The following NRXN3 variants were observed in gnomAD, a reference collection of about 807,000 sequenced individuals.
NRXN3 encodes neurexin III.
Under a neutral mutation model 137.6 loss-of-function variants are expected in NRXN3, and 32 were observed. The observed-to-expected ratio is 0.23, with a 90% CI of 0.18 to 0.31. The LOEUF (loss-of-function observed/expected upper bound fraction) is 0.31. NRXN3 is among the 10% of genes least tolerant of loss of function. The pLI is 1.00. For synonymous variants in NRXN3, 798 were observed against 784.5 expected (o/e 1.02, Z -0.29); for missense variants, 1,574 against 2,062.5 (o/e 0.76, Z 4.59).
At chr14:78,684,306 A>C (rs1477982015) in intron 6 of NRXN3, among the ~76,000 whole-genome samples, 2 of 152,150 alleles carry the variant, frequency 1.3e-5, no homozygotes, top group Non-Finnish European at 2.9e-5. Context: ...TACATTCTGA[A>C]ATTGGCACAT....
rs2081029943 is a variant in NRXN3 at position 79,280,137 on chromosome 14, G to C, written c.3263-187084G>C. ...TTCTTTAAGTAGTAATTTTTTAACTGATTCATTGTTTGGAAAGCGCATATT... is the reference window on the plus strand; with the variant it reads ...TTCTTTAAGTAGTAATTTTTTAACTCATTCATTGTTTGGAAAGCGCATATT... On this transcript the variant is annotated intron_variant, in intron 15 of 20. Transcript: ENST00000335750. 2.7e-6 allele frequency: 4 copies of C among 1,465,230 alleles called. No individual in the cohort carries two copies. In the East Asian group the frequency reaches 9.4e-5, roughly 34 times the overall value. The allele number at this position is 1,465,230 out of a possible 1,614,324, so 90.8% of individuals were successfully genotyped here.
At chr14:79,843,845 C>T (rs568005489) in intron 20 of NRXN3, among the ~76,000 whole-genome samples, 2 of 152,216 alleles carry the variant, frequency 1.3e-5, no homozygotes, top group South Asian at 4.2e-4. Context: ...GATTTTAGTG[C>T]ACCCATCACC....
chr14:78,346,616 C>T (rs1411701552), intron 4 of NRXN3, among the ~76,000 whole-genome samples: 1 of 152,182 alleles, frequency 6.6e-6, no homozygotes, highest in Non-Finnish European at 1.5e-5. Context: ...GCTCTTCTGA[C>T]TTCTCAATCT....
In NRXN3 at chr14:78,170,561, G is replaced by T. The variant is rs549869167; in HGVS notation, c.-817G>T. The T allele has an allele frequency of 1.3e-5, 2 of 152,458 alleles. No homozygotes were observed. Among genetic ancestry groups the T allele is most frequent in the African/African-American group, 4.8e-5 (2 of 41,568 alleles). 9.4% of individuals were successfully genotyped at this position (152,458 alleles called of 1,614,324 possible). On this transcript the variant is annotated 5_prime_UTR_variant, in exon 1 of 21. An upstream open reading frame in the 5' UTR gains an earlier in-frame stop. Coordinates refer to ENST00000335750, the MANE Select transcript of NRXN3 (RefSeq NM_001330195.2). Reference sequence around the variant, plus strand: ...CCCAGAGAGAAAGGAAAAGGAGAGAGAAAGATTCTGGAATTTGAACCTACC... The same window carrying T: ...CCCAGAGAGAAAGGAAAAGGAGAGATAAAGATTCTGGAATTTGAACCTACC...
chr14:79,449,174 T>A (rs745519011), intron 15 of NRXN3, among the ~76,000 whole-genome samples: 1 of 152,214 alleles, frequency 6.6e-6, no homozygotes, highest in Non-Finnish European at 1.5e-5. Flanking sequence ...CATTCATGAA[T>A]GTCATAAGAC....
intron 15 of NRXN3, among the ~76,000 whole-genome samples, chr14:79,429,735 A>C: frequency 6.6e-6 from 1 of 152,134 alleles, no homozygotes; most frequent in East Asian, 1.9e-4. Flanking sequence ...ATCTATCGTC[A>C]CCTCTTGAAG....
chr14:79,474,470 T>A (rs559568821), intron 16 of NRXN3, among the ~76,000 whole-genome samples: 1 of 152,252 alleles, frequency 6.6e-6, no homozygotes, highest in East Asian at 1.9e-4. Flanking sequence ...AAATGTCAAT[T>A]TTATGAATTA....
chr14:78,250,755 C>A (rs1367336217), intron 2 of NRXN3, among the ~76,000 whole-genome samples: 1 of 152,198 alleles, frequency 6.6e-6, no homozygotes, highest in African/African-American at 2.4e-5. Flanking sequence ...ATCTCTAGGA[C>A]CTGAGAGCCC....
intron 8 of NRXN3, among the ~76,000 whole-genome samples, chr14:78,732,018 A>G (rs911961788): frequency 3.2e-5 from 1 of 31,626 alleles, no homozygotes; most frequent in Non-Finnish European, 8.7e-5. Context: ...AAATAGCTGC[A>G]AGTTTCAAGT....
intron 15 of NRXN3, among the ~76,000 whole-genome samples, chr14:79,063,027 A>G (rs2099676141): frequency 6.6e-6 from 1 of 152,184 alleles, no homozygotes; most frequent in Non-Finnish European, 1.5e-5. Context: ...GAATGTTAGC[A>G]GTTTATCTTT....
rs555688977 is a variant in NRXN3 at position 79,239,313 on chromosome 14, G to A, written c.3263-227908G>A. On this transcript the variant is annotated intron_variant, in intron 15 of 20. Coordinates refer to ENST00000335750, the MANE Select transcript of NRXN3 (RefSeq NM_001330195.2). ...AACTGAAACTGCAGAAAGCAAAGTC[G>A]TGGAGAAGGGGGAACTACTGTACAT... is the stretch of plus-strand genomic sequence containing the variant. Among the ~76,000 whole-genome samples the A allele has an allele frequency of 8.5e-5, 13 of 152,194 alleles. No individual in the cohort carries two copies. The East Asian group carries it at 1.5e-3, about 18-fold the overall frequency.
chr14:78,700,772 C>T (rs182477228), intron 6 of NRXN3, among the ~76,000 whole-genome samples: 10 of 151,928 alleles, frequency 6.6e-5, no homozygotes, highest in Non-Finnish European at 1.3e-4. Flanking sequence ...TGACTGGAAA[C>T]TTTTTCTTTT....
chr14:79,173,725 G>A (rs76185933), intron 15 of NRXN3, among the ~76,000 whole-genome samples: 3,222 of 152,118 alleles, frequency 0.021, 66 homozygotes, highest in Non-Finnish European at 0.03. Context: ...TGGAAGGTAG[G>A]CAATCCAGAC....
intron 8 of NRXN3, among the ~76,000 whole-genome samples, chr14:78,783,760 T>C (rs1416261319): frequency 1.3e-5 from 2 of 152,118 alleles, no homozygotes; most frequent in Non-Finnish European, 2.9e-5. Context: ...ATATGTAAAC[T>C]AAACTAAAGT....
chr14:78,221,842 A>T (rs2063885867), intron 1 of NRXN3, among the ~76,000 whole-genome samples: 1 of 152,220 alleles, frequency 6.6e-6, no homozygotes, highest in Non-Finnish European at 1.5e-5. Context: ...ACTTTTGGTC[A>T]TGTCACACCC....
At chr14:78,435,644 A>G (rs2094038404) in intron 4 of NRXN3, among the ~76,000 whole-genome samples, 1 of 152,226 alleles carries the variant, frequency 6.6e-6, no homozygotes, top group Non-Finnish European at 1.5e-5. Flanking sequence ...TGGGCTTCCC[A>G]GTTCACCTAT....
intron 19 of NRXN3, among the ~76,000 whole-genome samples, chr14:79,716,865 T>G (rs2098825487): frequency 6.6e-6 from 1 of 152,202 alleles, no homozygotes; most frequent in Non-Finnish European, 1.5e-5. Flanking sequence ...ATTGTTGTAA[T>G]TATTAGTAGT....
intron 17 of NRXN3, among the ~76,000 whole-genome samples, chr14:79,668,173 G>A (rs1020653433): frequency 2.0e-5 from 3 of 151,988 alleles, no homozygotes; most frequent in African/African-American, 7.2e-5. Flanking sequence ...GTGAAAAAGA[G>A]GTAAAAGTAG....
intron 15 of NRXN3, among the ~76,000 whole-genome samples, chr14:79,460,031 T>C (rs925420912): frequency 1.3e-5 from 2 of 152,140 alleles, no homozygotes; most frequent in African/African-American, 4.8e-5. Context: ...TCTAAAGTAA[T>C]GTGTTTCTGA....
Sources: allele counts gnomAD v4.1 joint callset (sites outside exome capture counted in the v4.1 genomes callset), GRCh38; gene constraint gnomAD v4.1.1; transcripts MANE v1.5; gene names NCBI Gene and HGNC (gene_info 2026-07-23, HGNC 2026-07-21).